The following EBF2 variants were observed in gnomAD, a reference collection of about 807,000 sequenced individuals.
EBF2 encodes EBF transcription factor 2.
Under a neutral mutation model 72.8 loss-of-function variants are expected in EBF2, and 21 were observed. The observed-to-expected ratio is 0.29, with a 90% confidence interval of 0.20 to 0.42. The LOEUF is 0.42. Among genes scored for constraint, EBF2 ranks in the 10% least tolerant of loss-of-function variants. The pLI, the probability that EBF2 is intolerant of heterozygous loss-of-function variation, is 1.00. For synonymous variants in EBF2, 299 were observed against 274.2 expected, an observed-to-expected ratio of 1.09 and a Z score of -0.89; for missense variants, 637 against 731.2, an observed-to-expected ratio of 0.87 and a Z score of 1.49.
chr8:25,923,558 T>G (rs1269533687), intron 6 of EBF2, among the ~76,000 whole-genome samples: 1 of 152,220 alleles, frequency 6.6e-6, no homozygotes, highest in Non-Finnish European at 1.5e-5. Context: ...TCACTCCTAG[T>G]GATAAGCCTG....
At chr8:26,028,209 T>A (rs1434773070) in intron 6 of EBF2, among the ~76,000 whole-genome samples, 1 of 152,190 alleles carries the variant, frequency 6.6e-6, no homozygotes, top group Admixed American at 6.5e-5. Flanking sequence ...TTTATTCAGA[T>A]CTTTTTGAAT....
At chr8:25,971,796 C>G (rs1490475106) in intron 6 of EBF2, among the ~76,000 whole-genome samples, 1 of 151,942 alleles carries the variant, frequency 6.6e-6, no homozygotes, top group Non-Finnish European at 1.5e-5. Flanking sequence ...CTGGCTATAG[C>G]CTGCATCTGG....
At chr8:25,952,835 T>C (rs950031908) in intron 6 of EBF2, among the ~76,000 whole-genome samples, 1 of 152,250 alleles carries the variant, frequency 6.6e-6, no homozygotes, top group African/African-American at 2.4e-5. Context: ...CTTTGAACTA[T>C]AGAATGAGGC....
chr8:25,850,783 C>T (rs1281883571), intron 14 of EBF2, 22 bp from the exon 15 acceptor site: 2 of 1,544,904 alleles, frequency 1.3e-6, no homozygotes, highest in Non-Finnish European at 1.7e-6. Flanking sequence ...ATGCACAATC[C>T]TCATTTAGAA....
intron 6 of EBF2, among the ~76,000 whole-genome samples, chr8:25,998,795 GA>G (rs1804676570): frequency 6.6e-6 from 1 of 152,146 alleles, no homozygotes; most frequent in Non-Finnish European, 1.5e-5. Flanking sequence ...CACATTACAA[GA>G]GGGCAATTAA....
chr8:26,005,453 T>TATTATTTATAAAA (rs1804848555), intron 6 of EBF2, among the ~76,000 whole-genome samples: 1 of 16,376 alleles, frequency 6.1e-5, no homozygotes, highest in Non-Finnish European at 1.2e-4. Flanking sequence ...ATAAAATATA[T>TATTATTTATAAAA]TATATATTAT....
intron 10 of EBF2, among the ~76,000 whole-genome samples, chr8:25,885,299 G>T (rs1011035908): frequency 6.6e-6 from 1 of 151,830 alleles, no homozygotes; most frequent in Non-Finnish European, 1.5e-5. Flanking sequence ...GCTCATTTGG[G>T]CTAAGTAGTT....
intron 5 of EBF2, among the ~76,000 whole-genome samples, chr8:26,039,717 C>G (rs571526689): frequency 9.8e-5 from 15 of 152,348 alleles, no homozygotes; most frequent in Non-Finnish European, 1.8e-4. Flanking sequence ...CAAACCCGGC[C>G]CGGGGTTGCC....
intron 6 of EBF2, among the ~76,000 whole-genome samples, chr8:25,911,040 C>T (rs148096249): frequency 5.7e-4 from 86 of 151,980 alleles, no homozygotes; most frequent in Non-Finnish European, 1.1e-3. Flanking sequence ...TCTGGTTCTC[C>T]GCCCTCCACC....
intron 6 of EBF2, among the ~76,000 whole-genome samples, chr8:25,933,619 T>C (rs1803519361): frequency 6.6e-6 from 1 of 152,206 alleles, no homozygotes; most frequent in Non-Finnish European, 1.5e-5. Context: ...CCCAAAGCTT[T>C]ATCTACAAAA....
At chr8:25,998,205 T>C (rs891639114) in intron 6 of EBF2, among the ~76,000 whole-genome samples, 9 of 152,252 alleles carry the variant, frequency 5.9e-5, no homozygotes, top group African/African-American at 2.2e-4. Context: ...CAAGACATAA[T>C]TCTACAAGCA....
chr8:25,958,490 A>C (rs920300697), intron 6 of EBF2, among the ~76,000 whole-genome samples: 20 of 151,914 alleles, frequency 1.3e-4, no homozygotes, highest in African/African-American at 4.8e-4. Flanking sequence ...TTGGCCAGAA[A>C]CTTTATACAA....
rs181016445 is a variant in EBF2 at position 25,898,461 on chromosome 8, A to C, written c.634-8592T>G. On this transcript the variant is annotated intron_variant, in intron 7 of 15. Transcript: ENST00000520164. ...AATCCAGTGGCAATTAAAAAAAAAA[A>C]AACCAGCTTTTCATGTCATTGAGGA... Among the ~76,000 whole-genome samples the C allele has an allele frequency of 7.7e-3, 1,166 of 152,112 alleles. 15 individuals carry two copies. The highest frequency in any genetic ancestry group is 0.026 in the African/African-American group (1,097 of 41,440).
chr8:25,953,560 G>A (rs562127798), intron 6 of EBF2, among the ~76,000 whole-genome samples: 1 of 152,236 alleles, frequency 6.6e-6, no homozygotes, highest in Admixed American at 6.5e-5. Context: ...TACCGCAGAG[G>A]AAAAAAGACA....
intron 14 of EBF2, among the ~76,000 whole-genome samples, chr8:25,854,943 T>C (rs920391930): frequency 6.6e-6 from 1 of 152,190 alleles, no homozygotes; most frequent in African/African-American, 2.4e-5. Context: ...TGCGTAGGCT[T>C]GGTGGCTATT....
At chr8:26,013,035 T>C (rs1805051955) in intron 6 of EBF2, among the ~76,000 whole-genome samples, 1 of 152,106 alleles carries the variant, frequency 6.6e-6, no homozygotes, top group African/African-American at 2.4e-5. Flanking sequence ...GAGTCAAATA[T>C]ATGGCATCCT....
chr8:25,906,147 G>C (rs984240345), intron 7 of EBF2, among the ~76,000 whole-genome samples: 5 of 152,096 alleles, frequency 3.3e-5, no homozygotes, highest in African/African-American at 4.8e-5. Flanking sequence ...AAAATGACAA[G>C]GCATTCTCCT....
chr8:26,032,281 G>T (rs535308917), intron 6 of EBF2: 9 of 152,148 alleles, frequency 5.9e-5, no homozygotes, highest in African/African-American at 1.9e-4. Flanking sequence ...CTGAGAATTC[G>T]TTGGAATATT....
intron 10 of EBF2, among the ~76,000 whole-genome samples, chr8:25,883,230 A>G (rs1187572740): frequency 6.6e-6 from 1 of 152,196 alleles, no homozygotes; most frequent in Non-Finnish European, 1.5e-5. Flanking sequence ...AGATCTGTCA[A>G]CCACAGCCTC....
Sources: allele counts gnomAD v4.1 joint callset (sites outside exome capture counted in the v4.1 genomes callset), GRCh38; gene constraint gnomAD v4.1.1; transcripts MANE v1.5; gene names NCBI Gene and HGNC (gene_info 2026-07-23, HGNC 2026-07-21).